Variants in PFDN1 observed in about 807,000 individuals in gnomAD.
PFDN1 encodes the protein prefoldin 1.
A neutral mutation model predicts 17.3 loss-of-function variants in PFDN1; 6 were observed. The ratio of observed to expected loss-of-function variants is 0.35; its 90% CI spans 0.19 to 0.69. The LOEUF is 0.69. Among genes scored for constraint, PFDN1 ranks in the 30% least tolerant of loss-of-function variants. The pLI, the probability that PFDN1 is intolerant of heterozygous loss-of-function variation, is 0.65. For missense variants in PFDN1, 113 were observed against 146.2 expected, an observed-to-expected ratio of 0.77 and a Z score of 1.17; for synonymous variants, 58 against 50.1, an observed-to-expected ratio of 1.16 and a Z score of -0.67.
intron 2 of PFDN1, 190 bp from the exon 3 acceptor site, chr5:140,281,723 TAG>T: frequency 1.9e-6 from 1 of 530,654 alleles, no homozygotes; most frequent in Non-Finnish European, 3.3e-6. Flanking sequence ...GGCTTAAAAG[TAG>T]ATTCTGCTTT....
chr5:140,255,700 C>T (rs1233498156), intron 3 of PFDN1, among the ~76,000 whole-genome samples: 1 of 152,174 alleles, frequency 6.6e-6, no homozygotes, highest in Non-Finnish European at 1.5e-5. Flanking sequence ...TTCATCCCCA[C>T]ATACCTTCTC....
chr5:140,250,192 A>C (rs566839808), intron 3 of PFDN1, among the ~76,000 whole-genome samples: 1 of 152,204 alleles, frequency 6.6e-6, no homozygotes, highest in East Asian at 1.9e-4. Context: ...GTACTTTTCA[A>C]CTTCCAAGAA....
intron 2 of PFDN1, chr5:140,281,766 A>T (rs1465438484): frequency 7.8e-6 from 3 of 383,302 alleles, no homozygotes; most frequent in Non-Finnish European, 1.4e-5. Flanking sequence ...GGCAGGGAAC[A>T]GTGGTGTGGG....
intron 2 of PFDN1, among the ~76,000 whole-genome samples, chr5:140,282,903 A>C (rs1166413862): frequency 6.6e-6 from 1 of 152,244 alleles, no homozygotes; most frequent in African/African-American, 2.4e-5. Flanking sequence ...TCTTTGCACT[A>C]ACAGAGTTCA....
chr5:140,247,473 TACAGAAGCCA>T (rs1490472567), intron 3 of PFDN1, among the ~76,000 whole-genome samples: 2 of 152,216 alleles, frequency 1.3e-5, no homozygotes, highest in Admixed American at 6.5e-5. Context: ...GGCTTTTTCC[TACAGAAGCCA>T]AATGTGGCAT....
chr5:140,287,616 AG>A (rs1765517303), intron 2 of PFDN1, among the ~76,000 whole-genome samples: 1 of 152,210 alleles, frequency 6.6e-6, no homozygotes, highest in Admixed American at 6.5e-5. Flanking sequence ...TGAGAAGGTC[AG>A]GAAGTACAGT....
At chr5:140,264,139 A>G (rs528826274) in intron 3 of PFDN1, among the ~76,000 whole-genome samples, 53 of 151,604 alleles carry the variant, frequency 3.5e-4, no homozygotes, top group African/African-American at 9.7e-4. Context: ...AGTTCCAGAC[A>G]TTTAAACAAC....
chr5:140,290,627 A>G (rs1765565679), intron 2 of PFDN1, among the ~76,000 whole-genome samples: 1 of 152,200 alleles, frequency 6.6e-6, no homozygotes, highest in African/African-American at 2.4e-5. Context: ...GGTCATAGAA[A>G]TCACATTAGC....
At chr5:140,288,571 T>A (rs1297111705) in intron 2 of PFDN1, among the ~76,000 whole-genome samples, 3 of 152,240 alleles carry the variant, frequency 2.0e-5, no homozygotes, top group African/African-American at 7.2e-5. Flanking sequence ...GTAACAAATG[T>A]ACCACACTAA....
intron 3 of PFDN1, among the ~76,000 whole-genome samples, chr5:140,269,767 T>C (rs191073916): frequency 9.2e-5 from 14 of 152,364 alleles, no homozygotes; most frequent in Admixed American, 3.3e-4. Flanking sequence ...ATAAACTTAA[T>C]AGAAGTGACT....
chr5:140,276,693 A>T (rs1765298395), intron 3 of PFDN1, among the ~76,000 whole-genome samples: 1 of 141,340 alleles, frequency 7.1e-6, no homozygotes, highest in Non-Finnish European at 1.5e-5. Context: ...AGGCAGGAGA[A>T]TTGTTCCAAC....
At chr5:140,248,837 T>C (rs1466344698) in intron 3 of PFDN1, among the ~76,000 whole-genome samples, 1 of 152,204 alleles carries the variant, frequency 6.6e-6, no homozygotes, top group Non-Finnish European at 1.5e-5. Context: ...AATTAACATA[T>C]CTATCTATAT....
intron 2 of PFDN1, among the ~76,000 whole-genome samples, chr5:140,298,198 AG>A: frequency 6.6e-6 from 1 of 152,288 alleles, no homozygotes; most frequent in Middle Eastern, 3.4e-3. Context: ...AAAGCAAATC[AG>A]ATGAACAATT....
At chr5:140,290,181 T>C (rs1245987870) in intron 2 of PFDN1, among the ~76,000 whole-genome samples, 1 of 152,170 alleles carries the variant, frequency 6.6e-6, no homozygotes, top group Non-Finnish European at 1.5e-5. Context: ...GAGAATTGAG[T>C]TCTAGGCTGA....
chr5:140,295,748 A>C (rs1316110051), intron 2 of PFDN1, among the ~76,000 whole-genome samples: 1 of 152,124 alleles, frequency 6.6e-6, no homozygotes, highest in East Asian at 1.9e-4. Context: ...TTAAACCAAA[A>C]ATAGCCATGT....
chr5:140,246,980 C>T (rs547539363), intron 3 of PFDN1, among the ~76,000 whole-genome samples: 2 of 152,178 alleles, frequency 1.3e-5, no homozygotes, highest in Non-Finnish European at 2.9e-5. Flanking sequence ...ACCAGTAATA[C>T]AGTCACCAGG....
At chr5:140,289,676 G>C (rs1328863233) in intron 2 of PFDN1, among the ~76,000 whole-genome samples, 2 of 152,110 alleles carry the variant, frequency 1.3e-5, no homozygotes, top group Non-Finnish European at 2.9e-5. Flanking sequence ...CCTGCACCAT[G>C]CATGTTCAGC....
In PFDN1 at chr5:140,283,326, G is replaced by A. The variant is rs547112198; in HGVS notation, c.201-1793C>T. ...TGGCTCACTGCAAGCTCCACCTCCCGGGTTCATGCCATTCTCCTGCCTCAG... is the reference window on the plus strand; with the variant it reads ...TGGCTCACTGCAAGCTCCACCTCCCAGGTTCATGCCATTCTCCTGCCTCAG... On this transcript the variant is annotated intron_variant, in intron 2 of 3. Transcript: ENST00000261813. Among the ~76,000 whole-genome samples the A allele has an allele frequency of 5.0e-4, 76 of 152,096 alleles. 1 individual carries two copies. Among genetic ancestry groups the A allele is most frequent in the African/African-American group, 1.7e-3 (69 of 41,492 alleles).
At chr5:140,263,371 G>A (rs1291403722) in intron 3 of PFDN1, among the ~76,000 whole-genome samples, 1 of 152,098 alleles carries the variant, frequency 6.6e-6, no homozygotes, top group Non-Finnish European at 1.5e-5. Context: ...ACCCATGACT[G>A]CTGCATACCA....
Sources: gnomAD v4.1 joint callset for allele counts (sites outside exome capture counted in the v4.1 genomes callset) on GRCh38, gnomAD v4.1.1 for gene constraint, MANE v1.5 for transcripts, NCBI Gene and HGNC (gene_info 2026-07-23, HGNC 2026-07-21) for gene names.